Variants in NKAIN3 observed in about 807,000 individuals in gnomAD.
NKAIN3 encodes sodium/potassium-transporting ATPase subunit beta-1-interacting protein 3.
A neutral mutation model predicts 30.2 loss-of-function variants in NKAIN3; 25 were observed. The observed-to-expected ratio is 0.83, with a 90% CI of 0.60 to 1.16. NKAIN3 has a LOEUF of 1.16. NKAIN3 is among the 50% of genes most tolerant of loss of function. NKAIN3 has a pLI of 0.00. For synonymous variants in NKAIN3, 91 were observed against 89.6 expected (o/e 1.02, Z -0.09); for missense variants, 225 against 254.1 (o/e 0.89, Z 0.78).
chr8:62,381,595 CT>C (rs1398561778), intron 1 of NKAIN3, among the ~76,000 whole-genome samples: 1 of 152,030 alleles, frequency 6.6e-6, no homozygotes, highest in African/African-American at 2.4e-5. Flanking sequence ...TTCCCAAAGC[CT>C]GCCCCATAGT....
intron 1 of NKAIN3, among the ~76,000 whole-genome samples, chr8:62,486,473 A>G (rs1398189903): frequency 6.6e-6 from 1 of 152,110 alleles, no homozygotes; most frequent in Non-Finnish European, 1.5e-5. Context: ...AAGTTAATGT[A>G]TTAGATATTT....
chr8:62,616,425 A>G (rs1228098781), intron 3 of NKAIN3, among the ~76,000 whole-genome samples: 2 of 152,102 alleles, frequency 1.3e-5, no homozygotes, highest in Non-Finnish European at 2.9e-5. Flanking sequence ...GCTAAAGATT[A>G]CTGGTTTATT....
chr8:62,432,101 T>A (rs551660852), intron 1 of NKAIN3, among the ~76,000 whole-genome samples: 4 of 151,868 alleles, frequency 2.6e-5, no homozygotes, highest in Non-Finnish European at 4.4e-5. Flanking sequence ...TCTCTCAATT[T>A]GCTTCTCCTT....
intron 1 of NKAIN3, among the ~76,000 whole-genome samples, chr8:62,523,312 A>C (rs1257324905): frequency 6.6e-6 from 1 of 152,126 alleles, no homozygotes; most frequent in Non-Finnish European, 1.5e-5. Flanking sequence ...CCTTACAGCG[A>C]AACTGTCTAA....
chr8:62,480,468 A>G (rs1993125), intron 1 of NKAIN3, among the ~76,000 whole-genome samples: 50,226 of 151,138 alleles, frequency 0.33, 9,680 homozygotes, highest in South Asian at 0.45. Context: ...TTTTCAGGAT[A>G]AGGTCAGGGG....
At chr8:62,652,563 A>T (rs116573606) in intron 3 of NKAIN3, among the ~76,000 whole-genome samples, 2,920 of 152,260 alleles carry the variant, frequency 0.019, 92 homozygotes, top group African/African-American at 0.067. Context: ...TAGTAAGATA[A>T]TTAGCAAAAA....
rs368301366 is a variant in NKAIN3, at chr8:62,984,747, T to C, written c.*19340T>C. ...TTGTGCATATAATGCCTGTATATTA[T>C]ACTCATATTTGAAAGTGATCAGAAA... On this transcript the variant is annotated 3_prime_UTR_variant, in exon 7 of 7. Transcript: ENST00000623646. The C allele has an allele frequency of 2.0e-5, 3 of 152,240 alleles. No homozygotes were observed. Among genetic ancestry groups the C allele is most frequent in the East Asian group, 3.9e-4 (2 of 5,190 alleles). The allele number at this position is 152,240 out of a possible 1,614,324, so 9.4% of individuals were successfully genotyped here. A position where few individuals can be genotyped will look rare whatever the true frequency, so the allele number is the denominator to read the frequency against.
rs142963044 is a variant in NKAIN3 at position 62,981,909 on chromosome 8, C to G, written c.*16502C>G. ...TTGTTTAAATCCTATTAACTCTTAA[C>G]GATACACAGTTCGAATTATCTAAAT... On this transcript the variant is annotated 3_prime_UTR_variant, in exon 7 of 7. Transcript: ENST00000623646. 15 of 152,128 alleles carry G rather than the reference C, an allele frequency of 9.9e-5. No individual in the cohort carries two copies. The South Asian group carries it at 2.9e-3, about 29-fold the overall frequency. The allele number at this position is 152,128 out of a possible 1,614,324, so 9.4% of individuals were successfully genotyped here.
At chr8:62,341,821 T>G (rs936822975) in intron 1 of NKAIN3, among the ~76,000 whole-genome samples, 3 of 152,018 alleles carry the variant, frequency 2.0e-5, no homozygotes, top group Non-Finnish European at 4.4e-5. Context: ...CTTTTTCACT[T>G]TGTGTCCAGG....
downstream of NKAIN3, among the ~76,000 whole-genome samples, chr8:62,985,910 A>G (rs1824190581): frequency 6.6e-6 from 1 of 152,246 alleles, no homozygotes; most frequent in African/African-American, 2.4e-5. Flanking sequence ...AAGCACAACA[A>G]CATAAAAATT....
chr8:62,285,485 G>A (rs1679638837), intron 1 of NKAIN3, among the ~76,000 whole-genome samples: 1 of 152,126 alleles, frequency 6.6e-6, no homozygotes, highest in South Asian at 2.1e-4. Flanking sequence ...AGCAGATTAT[G>A]TGGAGGAACT....
intron 4 of NKAIN3, among the ~76,000 whole-genome samples, chr8:62,900,033 A>AAAAG (rs975357113): frequency 1.2e-4 from 18 of 151,828 alleles, no homozygotes; most frequent in African/African-American, 4.4e-4. Flanking sequence ...TGAAATTAAA[A>AAAAG]AAAAAAGAAA....
chr8:62,745,380 G>A (rs951724283), intron 3 of NKAIN3, among the ~76,000 whole-genome samples: 2 of 152,202 alleles, frequency 1.3e-5, no homozygotes, highest in African/African-American at 4.8e-5. Context: ...CACTGTTGGA[G>A]GGAGTGGAGG....
intron 1 of NKAIN3, among the ~76,000 whole-genome samples, chr8:62,395,647 A>G (rs1325544737): frequency 2.0e-5 from 3 of 152,218 alleles, no homozygotes; most frequent in East Asian, 1.9e-4. Flanking sequence ...AAAGTTCCAC[A>G]CACATCCACA....
intron 3 of NKAIN3, among the ~76,000 whole-genome samples, chr8:62,614,424 A>T (rs913785343): frequency 6.6e-6 from 1 of 152,084 alleles, no homozygotes; most frequent in Non-Finnish European, 1.5e-5. Flanking sequence ...TGTGGCCATC[A>T]CTACTATGAC....
At chr8:62,959,559 G>A (rs1241425449) in intron 6 of NKAIN3, among the ~76,000 whole-genome samples, 1 of 151,790 alleles carries the variant, frequency 6.6e-6, no homozygotes, top group Non-Finnish European at 1.5e-5. Context: ...GCAGCTGGAG[G>A]CACCTAAAGA....
chr8:62,564,468 C>A (rs1809685014), intron 1 of NKAIN3, among the ~76,000 whole-genome samples: 1 of 152,096 alleles, frequency 6.6e-6, no homozygotes, highest in African/African-American at 2.4e-5. Flanking sequence ...GAAATAAATC[C>A]TTTAATGGTT....
At chr8:62,318,580 A>G (rs1375909221) in intron 1 of NKAIN3, among the ~76,000 whole-genome samples, 2 of 149,376 alleles carry the variant, frequency 1.3e-5, no homozygotes, top group Non-Finnish European at 2.9e-5. Context: ...TTGGTTCTCT[A>G]TTGAGATAAT....
chr8:62,321,346 C>T (rs777074117), intron 1 of NKAIN3, among the ~76,000 whole-genome samples: 13 of 152,228 alleles, frequency 8.5e-5, no homozygotes, highest in African/African-American at 1.7e-4. Context: ...AGTCATTCTC[C>T]GTCCAGCTTT....
Sources: gnomAD v4.1 joint callset for allele counts (sites outside exome capture counted in the v4.1 genomes callset) on GRCh38, gnomAD v4.1.1 for gene constraint, MANE v1.5 for transcripts, NCBI Gene and HGNC (gene_info 2026-07-23, HGNC 2026-07-21) for gene names.